Variants in KYAT3 observed in about 807,000 individuals in gnomAD.
The protein encoded by KYAT3 is kynurenine--oxoglutarate transaminase 3.
A neutral mutation model predicts 59.0 loss-of-function variants in KYAT3; 50 were observed. The ratio of observed to expected loss-of-function variants is 0.85; its 90% CI spans 0.68 to 1.07. The LOEUF (loss-of-function observed/expected upper bound fraction) is 1.07, where lower values mean the gene tolerates loss of function less well. Among genes scored for constraint, KYAT3 ranks in the 50% least tolerant of loss-of-function variants. KYAT3 has a pLI of 0.00. For missense variants in KYAT3, 497 were observed against 533.3 expected, an observed-to-expected ratio of 0.93 and a Z score of 0.67; for synonymous variants, 148 against 177.0, an observed-to-expected ratio of 0.84 and a Z score of 1.30.
At chr1:88,974,738 G>T (rs1020029495) in intron 2 of KYAT3, among the ~76,000 whole-genome samples, 7 of 152,050 alleles carry the variant, frequency 4.6e-5, no homozygotes, top group African/African-American at 1.5e-4. Context: ...TCAGCATTCA[G>T]TAAAAATGCA....
At chr1:88,958,280 A>G (rs758928122) in intron 8 of KYAT3, among the ~76,000 whole-genome samples, 11 of 152,044 alleles carry the variant, frequency 7.2e-5, no homozygotes, top group Admixed American at 2.0e-4. Flanking sequence ...CAGGCTAGAG[A>G]TCTTAGTAGC....
chr1:88,947,461 T>A (rs1221282596), intron 11 of KYAT3, among the ~76,000 whole-genome samples: 1 of 152,102 alleles, frequency 6.6e-6, no homozygotes, highest in African/African-American at 2.4e-5. Context: ...TCCTAGAGAG[T>A]GGCTATCTCT....
intron 2 of KYAT3, chr1:88,981,600 C>G (rs1237921319): frequency 6.3e-6 from 1 of 158,022 alleles, no homozygotes; most frequent in Non-Finnish European, 1.5e-5. Flanking sequence ...CAAACCAATT[C>G]TGACAGCACT....
downstream of KYAT3, among the ~76,000 whole-genome samples, chr1:88,932,604 C>T (rs1674931416): frequency 6.6e-6 from 1 of 152,062 alleles, no homozygotes; most frequent in African/African-American, 2.4e-5. Context: ...AGCAATCCTC[C>T]CCCTCAGTCT....
chr1:88,969,476 TATAA>T lies in KYAT3; in HGVS notation c.100-13_100-10del. ...AATTTCAGTGACATTTTCTGAAATA[TATAA>T]ATATTGAAAAGGAATTGCCTTAGTC... On this transcript the variant is annotated splice_polypyrimidine_tract_variant and intron_variant, in intron 2 of 13. Transcript: ENST00000260508. 6.5e-7 allele frequency: 1 copy of T among 1,527,382 alleles called. No homozygotes were observed. Among genetic ancestry groups the T allele is most frequent in the Non-Finnish European group, 9.1e-7 (1 of 1,104,330 alleles). The allele number at this position is 1,527,382 out of a possible 1,614,324, so 94.6% of individuals were successfully genotyped here. A position where few individuals can be genotyped will look rare whatever the true frequency, so the allele number is the denominator to read the frequency against.
intron 2 of KYAT3, chr1:88,982,406 T>C: frequency 1.1e-6 from 1 of 871,488 alleles, no homozygotes; most frequent in Non-Finnish European, 1.6e-6. Flanking sequence ...ACAACACTAG[T>C]ACTACAAGGC....
chr1:88,992,345 G>A (rs562174230), intron 1 of KYAT3, among the ~76,000 whole-genome samples: 15 of 152,334 alleles, frequency 9.8e-5, no homozygotes, highest in African/African-American at 3.1e-4. Context: ...GAAATCAAGA[G>A]TAAAAGCGCC....
intron 2 of KYAT3, among the ~76,000 whole-genome samples, chr1:88,970,283 C>G (rs1228664295): frequency 6.6e-6 from 1 of 152,096 alleles, no homozygotes; most frequent in Non-Finnish European, 1.5e-5. Context: ...AGGTACTGTT[C>G]TAAGTGCTTT....
intron 9 of KYAT3, among the ~76,000 whole-genome samples, 169 bp from the exon 10 acceptor site, chr1:88,953,321 G>T (rs917377477): frequency 6.6e-6 from 1 of 152,048 alleles, no homozygotes; most frequent in South Asian, 2.1e-4. Flanking sequence ...GAGGTGGGTG[G>T]ATCACTTGAG....
chr1:88,972,524 G>T (rs1185037396), intron 2 of KYAT3, among the ~76,000 whole-genome samples: 9 of 152,158 alleles, frequency 5.9e-5, no homozygotes, highest in Admixed American at 5.2e-4. Context: ...GTCAGCTAAA[G>T]TTCGTTTATG....
chr1:88,982,119 G>A, intron 2 of KYAT3: 1 of 984,216 alleles, frequency 1.0e-6, no homozygotes, highest in Non-Finnish European at 1.2e-6. Flanking sequence ...CTTTTTTTGG[G>A]TTTACTGGGT....
At chr1:88,938,575 C>CT in intron 13 of KYAT3, among the ~76,000 whole-genome samples, 1 of 152,214 alleles carries the variant, frequency 6.6e-6, no homozygotes, top group East Asian at 1.9e-4. Flanking sequence ...CTGTTGTTCC[C>CT]TTCTTTGTGT....
intron 8 of KYAT3, among the ~76,000 whole-genome samples, chr1:88,955,898 G>A (rs954974717): frequency 5.3e-5 from 8 of 151,852 alleles, no homozygotes; most frequent in African/African-American, 1.9e-4. Flanking sequence ...AACTTTATTG[G>A]GATATAAATC....
chr1:88,991,319 G>A (rs1018197683), intron 1 of KYAT3, among the ~76,000 whole-genome samples: 2 of 152,206 alleles, frequency 1.3e-5, no homozygotes, highest in African/African-American at 2.4e-5. Flanking sequence ...ACATGGGGAG[G>A]AGAGGTAGTA....
At chr1:88,935,479 C>T (rs1055334892), downstream of KYAT3, among the ~76,000 whole-genome samples, 26 of 151,962 alleles carry the variant, frequency 1.7e-4, no homozygotes, top group African/African-American at 6.0e-4. Context: ...AAGGTGAAGC[C>T]GACTTGAATC....
At chr1:88,945,013 T>C (rs1205439590) in intron 11 of KYAT3, among the ~76,000 whole-genome samples, 1 of 152,034 alleles carries the variant, frequency 6.6e-6, no homozygotes, top group Non-Finnish European at 1.5e-5. Flanking sequence ...CTGGCTAATC[T>C]TTGTATTTTT....
intron 2 of KYAT3, chr1:88,983,847 C>A (rs1192193166): frequency 3.3e-6 from 5 of 1,516,464 alleles, no homozygotes; most frequent in South Asian, 1.1e-5. Flanking sequence ...GCCGGTGAGT[C>A]GGAGGGGTGA....
chr1:88,985,259 T>A (rs1310434564), intron 2 of KYAT3, among the ~76,000 whole-genome samples: 2 of 152,186 alleles, frequency 1.3e-5, no homozygotes, highest in Non-Finnish European at 2.9e-5. Flanking sequence ...TCCTCACCCA[T>A]ATCAATAGGC....
chr1:88,921,574 A>C, the KYAT3 span, among the ~76,000 whole-genome samples: 1 of 152,226 alleles, frequency 6.6e-6, no homozygotes, highest in Non-Finnish European at 1.5e-5. Context: ...TTTCTTACCT[A>C]ACTTCAAGAA....
Sources: allele counts gnomAD v4.1 joint callset (sites outside exome capture counted in the v4.1 genomes callset), GRCh38; gene constraint gnomAD v4.1.1; transcripts MANE v1.5; gene names NCBI Gene and HGNC (gene_info 2026-07-23, HGNC 2026-07-21).